IGF1R: variants seen among roughly 807,000 people sequenced by gnomAD.
The protein encoded by IGF1R is insulin-like growth factor 1 receptor.
Under a neutral mutation model 144.6 loss-of-function variants are expected in IGF1R, and 44 were observed. That is an observed-to-expected ratio of 0.30 (90% confidence interval 0.24 to 0.39). The LOEUF is 0.39. Among genes scored for constraint, IGF1R ranks in the 10% least tolerant of loss-of-function variants. The pLI, the probability that IGF1R is intolerant of heterozygous loss-of-function variation, is 1.00. For missense variants in IGF1R, 1,355 were observed against 1,833.7 expected, an observed-to-expected ratio of 0.74 and a Z score of 4.77; for synonymous variants, 795 against 722.8, an observed-to-expected ratio of 1.10 and a Z score of -1.60.
chr15:98,844,338 A>G (rs2011235566), intron 2 of IGF1R, among the ~76,000 whole-genome samples: 1 of 152,232 alleles, frequency 6.6e-6, no homozygotes, highest in African/African-American at 2.4e-5. Context: ...CACAATTTAT[A>G]CGTTGGGATA....
At chr15:98,938,562 A>C (rs2151712654) in intron 17 of IGF1R, among the ~76,000 whole-genome samples, 1 of 152,348 alleles carries the variant, frequency 6.6e-6, no homozygotes, top group East Asian at 1.9e-4. Flanking sequence ...TTCCTCCAAG[A>C]CTAGTTTCAG....
chr15:98,892,338 G>C (rs1052424735), intron 3 of IGF1R, among the ~76,000 whole-genome samples: 3 of 151,964 alleles, frequency 2.0e-5, no homozygotes, highest in Admixed American at 6.6e-5. Flanking sequence ...GATCACTTGA[G>C]GTCAGAGTTT....
intron 2 of IGF1R, among the ~76,000 whole-genome samples, chr15:98,732,137 A>T (rs923063136): frequency 1.2e-4 from 18 of 152,142 alleles, no homozygotes; most frequent in Admixed American, 1.2e-3. Flanking sequence ...ATGGAAACCA[A>T]CCAAATGGGA....
intron 2 of IGF1R, among the ~76,000 whole-genome samples, chr15:98,863,647 G>A (rs2012278013): frequency 6.6e-6 from 1 of 152,216 alleles, no homozygotes; most frequent in Admixed American, 6.5e-5. Context: ...AAAATATGCA[G>A]AAGCTTAAGA....
chr15:98,688,092 C>T (rs909007538), intron 1 of IGF1R, among the ~76,000 whole-genome samples: 1 of 152,130 alleles, frequency 6.6e-6, no homozygotes, highest in Non-Finnish European at 1.5e-5. Context: ...AGGCCCCCTG[C>T]CTGCCTGCAC....
intron 2 of IGF1R, among the ~76,000 whole-genome samples, chr15:98,724,380 C>T (rs2054312622): frequency 6.6e-6 from 1 of 152,182 alleles, no homozygotes; most frequent in Admixed American, 6.5e-5. Context: ...ACTGGGGGCT[C>T]ACTGTGGCTT....
chr15:98,657,101 C>T (rs2052504059), intron 1 of IGF1R, among the ~76,000 whole-genome samples: 1 of 152,194 alleles, frequency 6.6e-6, no homozygotes. Context: ...CGTGGTTAGT[C>T]TCTGTAAAGT....
intron 2 of IGF1R, among the ~76,000 whole-genome samples, chr15:98,865,395 C>T (rs1405510891): frequency 1.3e-5 from 2 of 152,236 alleles, no homozygotes; most frequent in Non-Finnish European, 2.9e-5. Context: ...GGTTTGGAAA[C>T]GCCGCCTGGA....
chr15:98,958,961 C>T lies in IGF1R; in HGVS notation c.*1519C>T, dbSNP rs1294339152. 2 of 233,320 alleles carry T rather than the reference C, an allele frequency of 8.6e-6. No homozygotes were observed. The highest frequency in any genetic ancestry group is 1.7e-5 in the Non-Finnish European group (2 of 118,066). The allele number at this position is 233,320 out of a possible 1,614,324, so 14.5% of individuals were successfully genotyped here. On this transcript the variant is annotated 3_prime_UTR_variant, in exon 21 of 21. Coordinates refer to ENST00000650285, the MANE Select transcript of IGF1R (RefSeq NM_000875.5). The stretch of plus-strand genomic sequence containing the variant: ...CTTTAGTTGTTTTCTAACCCGTAGG[C>T]TCTCTGGGCACGAGGCAGAAAGCAG...
intron 10 of IGF1R, among the ~76,000 whole-genome samples, chr15:98,918,073 A>C (rs967342031): frequency 6.6e-6 from 1 of 152,110 alleles, no homozygotes; most frequent in South Asian, 2.1e-4. Flanking sequence ...TTTCCTTTCA[A>C]AAAAGGATTA....
intron 1 of IGF1R, among the ~76,000 whole-genome samples, chr15:98,696,669 A>T (rs747526453): frequency 2.0e-5 from 3 of 152,184 alleles, no homozygotes; most frequent in Non-Finnish European, 2.9e-5. Flanking sequence ...AGATAAGAGA[A>T]TGTTACTACC....
intron 2 of IGF1R, among the ~76,000 whole-genome samples, chr15:98,850,751 G>C (rs566368244): frequency 1.3e-5 from 2 of 152,128 alleles, no homozygotes; most frequent in African/African-American, 2.4e-5. Flanking sequence ...TTGGTGGGGG[G>C]GGGTACCATG....
intron 2 of IGF1R, among the ~76,000 whole-genome samples, chr15:98,787,953 G>A (rs1305841977): frequency 1.3e-5 from 2 of 152,024 alleles, no homozygotes; most frequent in Admixed American, 1.3e-4. Context: ...TTAAGGGAAA[G>A]TAGGGTTTTT....
intron 2 of IGF1R, among the ~76,000 whole-genome samples, chr15:98,752,931 T>A (rs1454635320): frequency 7.4e-5 from 1 of 13,496 alleles, no homozygotes; most frequent in Admixed American, 1.0e-3. Context: ...AAAATCATAC[T>A]ATTTTTTTTT....
At chr15:98,669,068 G>A (rs190314860) in intron 1 of IGF1R, among the ~76,000 whole-genome samples, 2 of 152,156 alleles carry the variant, frequency 1.3e-5, no homozygotes, top group African/African-American at 4.8e-5. Context: ...GTAGAATTTC[G>A]TGATGAGTCA....
At chr15:98,790,720 G>A (rs1489601758) in intron 2 of IGF1R, among the ~76,000 whole-genome samples, 1 of 152,136 alleles carries the variant, frequency 6.6e-6, no homozygotes, top group African/African-American at 2.4e-5. Context: ...AAAATTAACG[G>A]CATTAGAACT....
At chr15:98,952,874 TCTC>T (rs1200445147) in intron 20 of IGF1R, 1 of 152,150 alleles carries the variant, frequency 6.6e-6, no homozygotes, top group Non-Finnish European at 1.5e-5. Context: ...GAAAATGTTT[TCTC>T]CTGAGAAAAT....
chr15:98,785,601 T>C (rs537977565), intron 2 of IGF1R, among the ~76,000 whole-genome samples: 1 of 152,340 alleles, frequency 6.6e-6, no homozygotes, highest in African/African-American at 2.4e-5. Context: ...TTGTGGAACT[T>C]TTCCAGAGTC....
intron 2 of IGF1R, among the ~76,000 whole-genome samples, chr15:98,738,085 C>T (rs1474898972): frequency 6.6e-6 from 1 of 152,176 alleles, no homozygotes; most frequent in African/African-American, 2.4e-5. Flanking sequence ...GCTCCTGTAT[C>T]TAGATTAAAA....
Sources: gnomAD v4.1 joint callset for allele counts (sites outside exome capture counted in the v4.1 genomes callset) on GRCh38, gnomAD v4.1.1 for gene constraint, MANE v1.5 for transcripts, NCBI Gene and HGNC (gene_info 2026-07-23, HGNC 2026-07-21) for gene names.